Variants in AFG2A observed in about 807,000 individuals in gnomAD.
AFG2A encodes ATPase family gene 2 protein homolog A.
At chr4:123,060,016 G>A in the AFG2A span, among the ~76,000 whole-genome samples, 510 of 152,100 alleles carry the variant, frequency 3.4e-3, 3 homozygotes, top group Middle Eastern at 0.014. Flanking sequence ...TTTTTTTCTT[G>A]TAAAGATAGT....
the AFG2A span, among the ~76,000 whole-genome samples, chr4:123,247,534 C>T: frequency 7.9e-5 from 12 of 151,986 alleles, no homozygotes; most frequent in Non-Finnish European, 1.5e-5. Context: ...ATCCTCCCAC[C>T]TCAGCTGGGA....
At chr4:123,215,856 C>T in the AFG2A span, among the ~76,000 whole-genome samples, 13 of 152,086 alleles carry the variant, frequency 8.5e-5, no homozygotes, top group Non-Finnish European at 1.9e-4. Context: ...TTTACTAATA[C>T]GAAAGGTATT....
the AFG2A span, among the ~76,000 whole-genome samples, chr4:123,187,082 G>A: frequency 6.6e-6 from 1 of 152,186 alleles, no homozygotes; most frequent in Non-Finnish European, 1.5e-5. Flanking sequence ...GATTTTTATA[G>A]TGCCTCTTTT....
chr4:123,072,420 G>T, the AFG2A span, among the ~76,000 whole-genome samples: 1 of 152,084 alleles, frequency 6.6e-6, no homozygotes, highest in East Asian at 1.9e-4. Context: ...AAACTTCCTG[G>T]TGTAAACATA....
At chr4:122,958,306 T>C in the AFG2A span, among the ~76,000 whole-genome samples, 3 of 152,180 alleles carry the variant, frequency 2.0e-5, no homozygotes, top group African/African-American at 7.2e-5. Flanking sequence ...TTAAAACAAG[T>C]GCTTTTCAGG....
the AFG2A span, among the ~76,000 whole-genome samples, chr4:123,248,307 T>C: frequency 6.6e-6 from 1 of 152,300 alleles, no homozygotes; most frequent in South Asian, 2.1e-4. Context: ...GGATTTTACA[T>C]ACTACTGCTT....
the AFG2A span, among the ~76,000 whole-genome samples, chr4:122,986,727 C>T: frequency 6.6e-6 from 1 of 152,020 alleles, no homozygotes; most frequent in Non-Finnish European, 1.5e-5. Flanking sequence ...ACCACCTGTA[C>T]CCCCAATAAC....
chr4:123,261,319 A>T, the AFG2A span, among the ~76,000 whole-genome samples: 1 of 152,186 alleles, frequency 6.6e-6, no homozygotes, highest in African/African-American at 2.4e-5. Context: ...GTGCCCCAGA[A>T]TTTCAAAATA....
chr4:123,284,656 G>A, the AFG2A span, among the ~76,000 whole-genome samples: 3 of 152,196 alleles, frequency 2.0e-5, no homozygotes, highest in African/African-American at 7.2e-5. Context: ...ATTAGGTTTT[G>A]GGGGTACTAC....
the AFG2A span, among the ~76,000 whole-genome samples, chr4:122,993,024 C>T: frequency 2.3e-5 from 3 of 130,926 alleles, no homozygotes; most frequent in Non-Finnish European, 5.0e-5. Flanking sequence ...CTCACTCTGT[C>T]GCCTATGCTG....
the AFG2A span, among the ~76,000 whole-genome samples, chr4:122,988,768 C>T: frequency 9.0e-4 from 137 of 152,204 alleles, no homozygotes; most frequent in African/African-American, 3.1e-3. Flanking sequence ...TACACTGGTT[C>T]GCTTAATGTT....
the AFG2A span, among the ~76,000 whole-genome samples, chr4:122,958,169 GT>G: frequency 1.3e-5 from 2 of 152,182 alleles, no homozygotes; most frequent in African/African-American, 4.8e-5. Flanking sequence ...CAAGTTATAT[GT>G]TCTGTGTAAT....
the AFG2A span, chr4:123,256,257 G>A: frequency 1.3e-6 from 2 of 1,508,154 alleles, no homozygotes; most frequent in Non-Finnish European, 9.0e-7. Context: ...TAAATTGCTT[G>A]CCCTGAGGTG....
the AFG2A span, among the ~76,000 whole-genome samples, chr4:123,112,787 T>G: frequency 6.6e-6 from 1 of 152,166 alleles, no homozygotes; most frequent in African/African-American, 2.4e-5. Flanking sequence ...TTTTCCTATG[T>G]GCTTTCTTTT....
chr4:122,946,569 C>T, the AFG2A span, among the ~76,000 whole-genome samples: 1 of 151,834 alleles, frequency 6.6e-6, no homozygotes, highest in Non-Finnish European at 1.5e-5. Context: ...GTCTCTGGGT[C>T]ATCTGAATAG....
chr4:123,067,513 T>TC, the AFG2A span, among the ~76,000 whole-genome samples: 87 of 149,520 alleles, frequency 5.8e-4, no homozygotes, highest in African/African-American at 2.0e-3. Context: ...CGAGACTCCA[T>TC]CCCCCCCAAA....
the AFG2A span, among the ~76,000 whole-genome samples, chr4:122,994,703 A>C: frequency 6.6e-6 from 1 of 152,150 alleles, no homozygotes; most frequent in African/African-American, 2.4e-5. Context: ...TTTTCTTGTG[A>C]ACGCAGTTTT....
chr4:123,012,395 C>T, the AFG2A span, among the ~76,000 whole-genome samples: 1 of 146,402 alleles, frequency 6.8e-6, no homozygotes, highest in Non-Finnish European at 1.5e-5. Flanking sequence ...GTGGGGGATG[C>T]TTGCCCCCCA....
chr4:122,940,572 T>G, the AFG2A span, among the ~76,000 whole-genome samples: 1 of 152,156 alleles, frequency 6.6e-6, no homozygotes, highest in Non-Finnish European at 1.5e-5. Flanking sequence ...TTTTCTCCCA[T>G]TCTGTAGCTT....
Sources: allele counts gnomAD v4.1 joint callset (sites outside exome capture counted in the v4.1 genomes callset), GRCh38; gene constraint gnomAD v4.1.1; transcripts MANE v1.5; gene names NCBI Gene and HGNC (gene_info 2026-07-23, HGNC 2026-07-21).